Variants in WSCD2 observed in about 807,000 individuals in gnomAD.
WSCD2 encodes the protein WSC domain sialate O sulfotransferase 2.
In WSCD2, 28 loss-of-function variants were observed where a neutral mutation model predicts 55.7. That is an observed-to-expected ratio of 0.50 (90% confidence interval 0.37 to 0.69). WSCD2 has a LOEUF of 0.69. WSCD2 is among the 30% of genes least tolerant of loss of function. WSCD2 has a pLI of 0.00. For missense variants in WSCD2, 616 were observed against 762.1 expected, an observed-to-expected ratio of 0.81 and a Z score of 2.26; for synonymous variants, 301 against 301.9, an observed-to-expected ratio of 1.00 and a Z score of 0.03.
intron 2 of WSCD2, 138 bp downstream of exon 2, chr12:108,196,352 A>T (rs1883926242): frequency 1.3e-5 from 17 of 1,291,326 alleles, no homozygotes; most frequent in Non-Finnish European, 1.7e-5. Context: ...AGTGCCTGCC[A>T]TTATCATCCC....
chr12:108,139,490 C>T (rs1423742783), intron 1 of WSCD2, among the ~76,000 whole-genome samples: 1 of 152,110 alleles, frequency 6.6e-6, no homozygotes, highest in Non-Finnish European at 1.5e-5. Flanking sequence ...GCAAAGTGAG[C>T]GAATTCGAAG....
At chr12:108,228,522 C>T (rs1018201522) in intron 6 of WSCD2, among the ~76,000 whole-genome samples, 1 of 152,220 alleles carries the variant, frequency 6.6e-6, no homozygotes, top group Non-Finnish European at 1.5e-5. Flanking sequence ...AAGAAAACAC[C>T]ACTTGGCTAG....
chr12:108,180,536 T>C (rs1881585030), intron 1 of WSCD2, among the ~76,000 whole-genome samples: 1 of 152,234 alleles, frequency 6.6e-6, no homozygotes, highest in Admixed American at 6.5e-5. Flanking sequence ...GTAGTTTGAA[T>C]GTCGGGGGAG....
In WSCD2 at chr12:108,164,138, CCTT is replaced by C. The variant is rs1308502033; in HGVS notation, c.-551-31143_-551-31141del. On this transcript the variant is annotated intron_variant, in intron 1 of 8. Coordinates refer to ENST00000547525, the MANE Select transcript of WSCD2 (RefSeq NM_014653.4). ...TTTATACTGTTGTTTAATCTTAAAT[CCTT>C]TTTTTTTTTTTTTTTTTTTTTCAGA... is the stretch of plus-strand genomic sequence containing the variant. Among the ~76,000 whole-genome samples, 692 of 71,728 alleles carry C rather than the reference CCTT, an allele frequency of 9.6e-3. 144 individuals carry two copies. The highest frequency in any genetic ancestry group is 0.031 in the African/African-American group (631 of 20,386). The allele number at this position is 71,728 out of a possible 152,430, so 47.1% of individuals were successfully genotyped here.
intron 4 of WSCD2, among the ~76,000 whole-genome samples, chr12:108,214,325 G>T (rs567693684): frequency 2.6e-5 from 4 of 152,328 alleles, no homozygotes; most frequent in African/African-American, 9.6e-5. Context: ...GTGTTTCTGA[G>T]GTGAGGTGAT....
chr12:108,223,419 C>T (rs1887744534), intron 4 of WSCD2, among the ~76,000 whole-genome samples: 1 of 152,172 alleles, frequency 6.6e-6, no homozygotes, highest in Non-Finnish European at 1.5e-5. Context: ...CACATCTTCA[C>T]CTGGCTAAAA....
At chr12:108,233,199 A>C in intron 7 of WSCD2, 1 of 255,866 alleles carries the variant, frequency 3.9e-6, no homozygotes, top group East Asian at 7.7e-5. Flanking sequence ...TTTCTTACAC[A>C]CCTACTGTGT....
intron 1 of WSCD2, among the ~76,000 whole-genome samples, chr12:108,144,642 T>A (rs1434906850): frequency 6.6e-6 from 1 of 152,138 alleles, no homozygotes; most frequent in Non-Finnish European, 1.5e-5. Flanking sequence ...AGCTCCTGCC[T>A]TCTAGGTGTC....
intron 1 of WSCD2, among the ~76,000 whole-genome samples, chr12:108,155,956 T>C (rs1386039925): frequency 6.6e-6 from 1 of 152,202 alleles, no homozygotes; most frequent in Non-Finnish European, 1.5e-5. Flanking sequence ...CTTTCAAATA[T>C]ACATCGACAC....
Position 108,153,418 on chromosome 12 carries a change from T to C in WSCD2, c.-552+23492T>C, listed in dbSNP as rs115511089. On this transcript the variant is annotated intron_variant, in intron 1 of 8. Transcript: ENST00000547525. Reference sequence around the variant, plus strand: ...CCTCCACCACTGTCTCTACCCCTCATTGGTTCCTAACCTTGGAAGAGTGAT... The same window carrying C: ...CCTCCACCACTGTCTCTACCCCTCACTGGTTCCTAACCTTGGAAGAGTGAT... Among the ~76,000 whole-genome samples the C allele has an allele frequency of 3.0e-3, 456 of 152,332 alleles. 1 individual carries two copies. Among genetic ancestry groups the C allele is most frequent in the African/African-American group, 0.011 (441 of 41,574 alleles).
intron 1 of WSCD2, among the ~76,000 whole-genome samples, chr12:108,138,921 C>G (rs1876502656): frequency 6.6e-6 from 1 of 152,202 alleles, no homozygotes; most frequent in South Asian, 2.1e-4. Context: ...AGCAATGCCC[C>G]CTGGGAGGAC....
intron 1 of WSCD2, among the ~76,000 whole-genome samples, chr12:108,179,257 CG>C (rs562432196): frequency 1.9e-3 from 184 of 96,380 alleles, no homozygotes; most frequent in African/African-American, 6.5e-3. Context: ...GAACTTTCAG[CG>C]GGGGAGGGGG....
chr12:108,209,343 G>A (rs1173013091), intron 3 of WSCD2, among the ~76,000 whole-genome samples: 1 of 152,128 alleles, frequency 6.6e-6, no homozygotes, highest in Non-Finnish European at 1.5e-5. Context: ...CTCCTCTCAA[G>A]GGACAAGGAG....
In WSCD2 at chr12:108,210,363, C is replaced by T; in HGVS notation, c.682+58C>T. 6.6e-7 allele frequency: 1 copy of T among 1,510,922 alleles called. No homozygotes were observed. Among genetic ancestry groups the T allele is most frequent in the South Asian group, 1.3e-5 (1 of 77,546 alleles). 93.6% of individuals were successfully genotyped at this position (1,510,922 alleles called of 1,614,324 possible). A position where few individuals can be genotyped will look rare whatever the true frequency, so the allele number is the denominator to read the frequency against. ...TCCTCCCTCAGCTGCAGCCCTTGCC[C>T]ACCAAAGAGTCCCACATGTCTGCCC... On this transcript the variant is annotated intron_variant, in intron 4 of 8. Transcript: ENST00000547525. The surrounding 1 kb of genome is among the most constrained non-coding windows in gnomAD (Gnocchi z 4.3).
chr12:108,195,005 A>G (rs1883720624), intron 1 of WSCD2, among the ~76,000 whole-genome samples: 1 of 152,212 alleles, frequency 6.6e-6, no homozygotes. Flanking sequence ...CCACTGGCCC[A>G]TAAGAACCTG....
chr12:108,198,449 G>A (rs757824998), intron 2 of WSCD2, among the ~76,000 whole-genome samples: 1 of 152,084 alleles, frequency 6.6e-6, no homozygotes, highest in Non-Finnish European at 1.5e-5. Flanking sequence ...ATGCTCCCTG[G>A]CATGGCCCTT....
intron 1 of WSCD2, among the ~76,000 whole-genome samples, chr12:108,142,713 AG>A (rs1876961046): frequency 6.6e-6 from 1 of 152,234 alleles, no homozygotes; most frequent in South Asian, 2.1e-4. Context: ...ACCTAGCTTC[AG>A]GCTTGGCTGG....
At chr12:108,184,321 C>T (rs958392882) in intron 1 of WSCD2, among the ~76,000 whole-genome samples, 2 of 152,198 alleles carry the variant, frequency 1.3e-5, no homozygotes, top group African/African-American at 4.8e-5. Context: ...CACCACCCCC[C>T]AAACACACAC....
intron 1 of WSCD2, among the ~76,000 whole-genome samples, chr12:108,174,430 G>A (rs1193104347): frequency 2.0e-5 from 3 of 151,942 alleles, no homozygotes; most frequent in Admixed American, 6.6e-5. Flanking sequence ...TTTTGATTTC[G>A]GGGGCTCCTA....
Sources: gnomAD v4.1 joint callset for allele counts (sites outside exome capture counted in the v4.1 genomes callset) on GRCh38, gnomAD v4.1.1 for gene constraint, Gnocchi (gnomAD v3.1) non-coding constraint, MANE v1.5 for transcripts, NCBI Gene and HGNC (gene_info 2026-07-23, HGNC 2026-07-21) for gene names.